The following RHPN2 variants were observed in gnomAD, a reference collection of about 807,000 sequenced individuals.
RHPN2 encodes the protein rhophilin Rho GTPase binding protein 2.
In RHPN2, 40 loss-of-function variants were observed where a neutral mutation model predicts 79.0. The ratio of observed to expected loss-of-function variants is 0.51; its 90% confidence interval spans 0.39 to 0.66. The LOEUF (loss-of-function observed/expected upper bound fraction) is 0.66. Ranked by LOEUF, RHPN2 falls within the 30% of genes least tolerant of loss-of-function variation. The probability of loss-of-function intolerance (pLI) is 0.00; values close to 1 mark genes in which losing one functional copy is unlikely to be tolerated. For missense variants in RHPN2, 686 were observed against 883.5 expected, an observed-to-expected ratio of 0.78 and a Z score of 2.83; for synonymous variants, 285 against 363.5, an observed-to-expected ratio of 0.78 and a Z score of 2.46.
intron 1 of RHPN2, among the ~76,000 whole-genome samples, chr19:33,045,226 A>G (rs1284642068): frequency 6.6e-6 from 1 of 151,296 alleles, no homozygotes; most frequent in Non-Finnish European, 1.5e-5. Flanking sequence ...TAATTTTTGT[A>G]TTTTTAGTAG....
intron 7 of RHPN2, among the ~76,000 whole-genome samples, chr19:33,003,375 A>G (rs1971766231): frequency 2.9e-5 from 4 of 136,104 alleles, no homozygotes; most frequent in East Asian, 2.3e-4. Flanking sequence ...AAAAAAAAAA[A>G]AAAAAAAGGA....
rs1971735471 is a variant in RHPN2 at position 32,999,892 on chromosome 19, A to G, written c.1106-187T>C. Among the ~76,000 whole-genome samples, 5 of 152,014 alleles carry G rather than the reference A, an allele frequency of 3.3e-5. No individual in the cohort carries two copies. In the South Asian group the frequency reaches 1.0e-3, roughly 31 times the overall value. On this transcript the variant is annotated intron_variant, in intron 9 of 14. Coordinates refer to ENST00000254260, the MANE Select transcript of RHPN2 (RefSeq NM_033103.5). ...AACCCTCAAGGTTTTCTTTTCTTTG[A>G]GACGGTCTCACTCTGTTACCAGGCT...
intron 14 of RHPN2, among the ~76,000 whole-genome samples, chr19:32,987,087 A>G (rs1304389297): frequency 6.6e-6 from 1 of 151,772 alleles, no homozygotes; most frequent in East Asian, 2.0e-4. Flanking sequence ...CATGTTGCCC[A>G]GGCTGGTCTC....
At chr19:33,018,426 C>G (rs1275348554) in intron 4 of RHPN2, among the ~76,000 whole-genome samples, 2 of 152,140 alleles carry the variant, frequency 1.3e-5, no homozygotes, top group African/African-American at 4.8e-5. Flanking sequence ...GCCTCAGCCT[C>G]CCAAAGTGCT....
chr19:32,990,121 T>C (rs1390439294), intron 14 of RHPN2, among the ~76,000 whole-genome samples: 1 of 103,130 alleles, frequency 9.7e-6, no homozygotes, highest in Non-Finnish European at 2.0e-5. Context: ...AAAATAAAAT[T>C]AAAAAAGAAA....
At chr19:33,060,346 C>T (rs1242913289) in intron 1 of RHPN2, among the ~76,000 whole-genome samples, 19 of 152,070 alleles carry the variant, frequency 1.2e-4, no homozygotes. Context: ...TTGGCAGCTC[C>T]TTCCCTGCCA....
intron 3 of RHPN2, among the ~76,000 whole-genome samples, chr19:33,022,336 G>A (rs781158630): frequency 2.0e-5 from 3 of 152,140 alleles, no homozygotes; most frequent in Non-Finnish European, 4.4e-5. Flanking sequence ...CCACCTGGGT[G>A]CACCACCCTG....
chr19:33,042,269 T>A (rs1972106583), intron 2 of RHPN2, among the ~76,000 whole-genome samples: 1 of 151,254 alleles, frequency 6.6e-6, no homozygotes, highest in East Asian at 1.9e-4. Context: ...CCATACACCA[T>A]CAAGGCTGCC....
At chr19:32,981,811 C>CATCA (rs1971577606) in intron 14 of RHPN2, among the ~76,000 whole-genome samples, 1 of 98,786 alleles carries the variant, frequency 1.0e-5, no homozygotes, top group South Asian at 3.0e-4. Context: ...ATTACATTCA[C>CATCA]ATCATTATGC....
chr19:33,048,071 T>C (rs1972156278), intron 1 of RHPN2, among the ~76,000 whole-genome samples: 1 of 152,092 alleles, frequency 6.6e-6, no homozygotes, highest in African/African-American at 2.4e-5. Flanking sequence ...TGCACAGATA[T>C]TCGGAATTCG....
intron 1 of RHPN2, among the ~76,000 whole-genome samples, chr19:33,047,893 C>T (rs933301850): frequency 2.0e-5 from 3 of 152,010 alleles, no homozygotes; most frequent in African/African-American, 7.2e-5. Flanking sequence ...GCCTGGATAA[C>T]AGAGTGAGAC....
intron 4 of RHPN2, among the ~76,000 whole-genome samples, chr19:33,015,625 C>T (rs1290060746): frequency 6.6e-6 from 1 of 152,124 alleles, no homozygotes; most frequent in East Asian, 1.9e-4. Context: ...AACCCAATAG[C>T]ATCAACTGAA....
At chr19:33,056,770 T>C (rs1972235881) in intron 1 of RHPN2, among the ~76,000 whole-genome samples, 1 of 152,056 alleles carries the variant, frequency 6.6e-6, no homozygotes, top group African/African-American at 2.4e-5. Context: ...CGGTGGCTCA[T>C]GCCTGTAATC....
chr19:33,013,579 A>G (rs1299338001), intron 4 of RHPN2, among the ~76,000 whole-genome samples: 1 of 152,124 alleles, frequency 6.6e-6, no homozygotes, highest in African/African-American at 2.4e-5. Context: ...GTGTCTGCGC[A>G]TCGTGGCTCA....
chr19:32,980,233 G>A lies in RHPN2; in HGVS notation c.1824C>T (p.Ser608=), dbSNP rs747989216. The part of the protein sequence containing the change: ...SSMHNKSATY[S]VGMQKTYSMI... Reference sequence around the variant, plus strand: ...TGGAGTACGTTTTCTGCATTCCCACGGAGTATGTGGCACTCTTATTATGCT... The same window carrying A: ...TGGAGTACGTTTTCTGCATTCCCACAGAGTATGTGGCACTCTTATTATGCT... The change falls in exon 15 of 15, where the codon TCC becomes TCT. Residue 608 remains serine, a synonymous_variant. Coordinates refer to ENST00000254260, the MANE Select transcript of RHPN2 (RefSeq NM_033103.5). 8 of 1,613,730 alleles carry A rather than the reference G, an allele frequency of 5.0e-6. No individual in the cohort carries two copies. The highest frequency in any genetic ancestry group is 1.7e-5 in the Admixed American group (1 of 59,960).
At chr19:33,064,705 T>C (rs1599840497) in intron 1 of RHPN2, 79 bp downstream of exon 1, 1 of 1,411,034 alleles carries the variant, frequency 7.1e-7, no homozygotes, top group Non-Finnish European at 9.4e-7. Flanking sequence ...GACTGCGCGC[T>C]CCCACGGCCC....
chr19:33,036,920 G>C (rs908608373), intron 2 of RHPN2, among the ~76,000 whole-genome samples: 1 of 141,774 alleles, frequency 7.1e-6, no homozygotes, highest in East Asian at 2.0e-4. Flanking sequence ...CCTCCCCGAC[G>C]AGCGCCGCCC....
intron 2 of RHPN2, among the ~76,000 whole-genome samples, chr19:33,043,064 G>A (rs1159002874): frequency 7.0e-6 from 1 of 142,866 alleles, no homozygotes; most frequent in African/African-American, 2.8e-5. Context: ...GGGTGACAGA[G>A]CAAGACTCCG....
At chr19:33,012,976 C>T (rs921074188) in intron 4 of RHPN2, among the ~76,000 whole-genome samples, 14 of 150,462 alleles carry the variant, frequency 9.3e-5, no homozygotes, top group African/African-American at 2.9e-4. Context: ...CCCGGGTTCA[C>T]GCAATTCTCC....
Sources: gnomAD v4.1 joint callset for allele counts (sites outside exome capture counted in the v4.1 genomes callset) on GRCh38, gnomAD v4.1.1 for gene constraint, MANE v1.5 for transcripts, NCBI Gene and HGNC (gene_info 2026-07-23, HGNC 2026-07-21) for gene names.